Variants in GLIS3 observed in about 807,000 individuals in gnomAD.
The protein encoded by GLIS3 is GLIS family zinc finger 3, also known as zinc finger protein GLIS3.
Under a neutral mutation model 78.6 loss-of-function variants are expected in GLIS3, and 53 were observed. The ratio of observed to expected loss-of-function variants is 0.67; its 90% CI spans 0.54 to 0.85. GLIS3 has a LOEUF of 0.85. GLIS3 is among the 40% of genes least tolerant of loss of function. The pLI is 0.00. For missense variants in GLIS3, 1,703 were observed against 1,231.1 expected (o/e 1.38, Z -5.74); for synonymous variants, 684 against 509.9 (o/e 1.34, Z -4.60).
intron 2 of GLIS3, among the ~76,000 whole-genome samples, chr9:4,322,479 T>C (rs1587385393): frequency 6.6e-6 from 1 of 152,206 alleles, no homozygotes; most frequent in Non-Finnish European, 1.5e-5. Flanking sequence ...ATCGCCACAC[T>C]GTCTTCCACA....
intron 2 of GLIS3, among the ~76,000 whole-genome samples, chr9:4,157,240 G>C (rs1357539444): frequency 2.0e-5 from 3 of 152,154 alleles, no homozygotes; most frequent in African/African-American, 4.8e-5. Flanking sequence ...AAGGAAGATG[G>C]CCATTGATAA....
At chr9:3,929,449 G>A (rs1825478497) in intron 6 of GLIS3, among the ~76,000 whole-genome samples, 1 of 152,044 alleles carries the variant, frequency 6.6e-6, no homozygotes, top group African/African-American at 2.4e-5. Flanking sequence ...AGGGCCACGT[G>A]CCCACGGTCA....
chr9:3,981,609 A>G (rs1819293794), intron 4 of GLIS3, among the ~76,000 whole-genome samples: 1 of 152,180 alleles, frequency 6.6e-6, no homozygotes, highest in African/African-American at 2.4e-5. Context: ...GTCCCATGCC[A>G]AACACAGCAC....
intron 10 of GLIS3, 75 bp downstream of exon 10, chr9:3,829,235 G>C (rs1391017333): frequency 9.2e-6 from 12 of 1,301,494 alleles, no homozygotes; most frequent in Admixed American, 6.8e-5. Context: ...GTCCAGCCCA[G>C]GTCGGTCACG....
chr9:3,915,807 A>G (rs1474907896), intron 6 of GLIS3, among the ~76,000 whole-genome samples: 1 of 152,144 alleles, frequency 6.6e-6, no homozygotes, highest in Non-Finnish European at 1.5e-5. Flanking sequence ...GTATGCTGGT[A>G]ATTTTTAGTT....
intron 4 of GLIS3, among the ~76,000 whole-genome samples, chr9:4,102,867 T>A (rs1217453108): frequency 6.6e-6 from 1 of 152,078 alleles, no homozygotes; most frequent in African/African-American, 2.4e-5. Flanking sequence ...GCAACCTCCA[T>A]TTTCTTTTCT....
chr9:4,370,779 C>T, the GLIS3 span, among the ~76,000 whole-genome samples: 1 of 151,766 alleles, frequency 6.6e-6, no homozygotes, highest in South Asian at 2.1e-4. Flanking sequence ...ATGAAGTTCA[C>T]CCATTCTCAA....
At chr9:4,205,317 G>T (rs1819776204) in intron 2 of GLIS3, among the ~76,000 whole-genome samples, 1 of 152,090 alleles carries the variant, frequency 6.6e-6, no homozygotes, top group African/African-American at 2.4e-5. Context: ...ATGTGATCTG[G>T]ATTTACAGCT....
chr9:3,863,905 G>A (rs1021099066), intron 8 of GLIS3, among the ~76,000 whole-genome samples: 4 of 152,178 alleles, frequency 2.6e-5, no homozygotes, highest in African/African-American at 9.7e-5. Context: ...GAAAAAGGGA[G>A]GAGGGGAGAA....
chr9:4,050,421 G>A (rs778409262), intron 4 of GLIS3, among the ~76,000 whole-genome samples: 7 of 152,080 alleles, frequency 4.6e-5, no homozygotes, highest in African/African-American at 7.2e-5. Context: ...CACAGGGCGG[G>A]GAACATCACA....
intron 2 of GLIS3, among the ~76,000 whole-genome samples, chr9:4,156,083 C>T (rs1835022285): frequency 6.6e-6 from 1 of 152,094 alleles, no homozygotes; most frequent in Non-Finnish European, 1.5e-5. Context: ...AACCCCAAGT[C>T]CAGCAATGGA....
chr9:4,282,492 C>T (rs928571380), intron 2 of GLIS3, among the ~76,000 whole-genome samples: 10 of 152,206 alleles, frequency 6.6e-5, no homozygotes, highest in Admixed American at 2.0e-4. Flanking sequence ...TGATTGCCTT[C>T]CAACTGGGAC....
At chr9:4,303,179 G>A (rs1057428844), upstream of GLIS3, among the ~76,000 whole-genome samples, 6 of 151,970 alleles carry the variant, frequency 3.9e-5, no homozygotes, top group Non-Finnish European at 8.8e-5. Context: ...CCCACAAAGT[G>A]TCCGTGAAAA....
At chr9:4,219,651 G>A (rs1298437196) in intron 2 of GLIS3, among the ~76,000 whole-genome samples, 1 of 152,168 alleles carries the variant, frequency 6.6e-6, no homozygotes, top group Non-Finnish European at 1.5e-5. Context: ...CTTGATGTTA[G>A]TTAAGGCGGT....
intron 4 of GLIS3, among the ~76,000 whole-genome samples, chr9:4,062,577 G>C (rs912193735): frequency 7.9e-5 from 12 of 152,116 alleles, no homozygotes; most frequent in African/African-American, 2.9e-4. Context: ...CTATAAAATG[G>C]GATTATAACT....
chr9:4,460,173 T>C, the GLIS3 span, among the ~76,000 whole-genome samples: 1 of 152,108 alleles, frequency 6.6e-6, no homozygotes, highest in African/African-American at 2.4e-5. Context: ...GGGAATCTCA[T>C]GCTGTCATGG....
chr9:3,834,863 G>C (rs917078230), intron 9 of GLIS3, among the ~76,000 whole-genome samples: 1 of 152,170 alleles, frequency 6.6e-6, no homozygotes, highest in African/African-American at 2.4e-5. Context: ...CCCTCCTAGA[G>C]GTACTATGTT....
chr9:4,049,780 G>T (rs954842961), intron 4 of GLIS3, among the ~76,000 whole-genome samples: 20 of 152,094 alleles, frequency 1.3e-4, no homozygotes, highest in Admixed American at 2.0e-4. Flanking sequence ...ATCAAAAAGT[G>T]GGCAAAGGAT....
intron 3 of GLIS3, among the ~76,000 whole-genome samples, chr9:4,123,081 C>CA (rs1832307504): frequency 6.6e-6 from 1 of 151,724 alleles, no homozygotes. Flanking sequence ...TGAGCACACC[C>CA]AAAAAACATA....
Sources: gnomAD v4.1 joint callset for allele counts (sites outside exome capture counted in the v4.1 genomes callset) on GRCh38, gnomAD v4.1.1 for gene constraint, MANE v1.5 for transcripts, NCBI Gene and HGNC (gene_info 2026-07-23, HGNC 2026-07-21) for gene names.